AUTS2: variants seen among roughly 807,000 people sequenced by gnomAD.
The protein encoded by AUTS2 is autism susceptibility gene 2 protein.
Under a neutral mutation model 112.4 loss-of-function variants are expected in AUTS2, and 17 were observed. The ratio of observed to expected loss-of-function variants is 0.15; its 90% CI spans 0.10 to 0.23. AUTS2 has a LOEUF of 0.23. AUTS2 is among the 10% of genes least tolerant of loss of function. The pLI is 1.00. For synonymous variants in AUTS2, 751 were observed against 702.7 expected (o/e 1.07, Z -1.09); for missense variants, 1,510 against 1,701.6 (o/e 0.89, Z 1.98).
At chr7:70,468,270 G>C (rs991111459) in intron 5 of AUTS2, among the ~76,000 whole-genome samples, 39 of 152,118 alleles carry the variant, frequency 2.6e-4, no homozygotes, top group African/African-American at 9.4e-4. Flanking sequence ...TTTATGTTCT[G>C]ATCAAGATTA....
chr7:70,009,232 A>G (rs1195449103), intron 2 of AUTS2, among the ~76,000 whole-genome samples: 2 of 151,886 alleles, frequency 1.3e-5, no homozygotes, highest in Non-Finnish European at 2.9e-5. Flanking sequence ...AACCAACCCA[A>G]CTCCAGTGTG....
chr7:69,625,029 C>T (rs955293982), intron 1 of AUTS2, among the ~76,000 whole-genome samples: 4 of 148,740 alleles, frequency 2.7e-5, no homozygotes, highest in African/African-American at 2.5e-5. Flanking sequence ...TTGTGTGAAG[C>T]GGGAGGAGTG....
intron 2 of AUTS2, among the ~76,000 whole-genome samples, chr7:70,016,135 G>C (rs894589670): frequency 2.0e-5 from 3 of 152,136 alleles, no homozygotes; most frequent in Middle Eastern, 3.4e-3. Context: ...ACCCTAAAAA[G>C]GGTCAATGAT....
intron 1 of AUTS2, among the ~76,000 whole-genome samples, chr7:69,689,343 A>ATTTTTTTTTTTTTTTTTTTTT (rs530444257): frequency 2.9e-5 from 3 of 102,500 alleles, no homozygotes; most frequent in Middle Eastern, 8.8e-3. Context: ...TAATTAATTA[A>ATTTTTTTTTTTTTTTTTTTTT]TTTTTTTTTT....
At chr7:69,807,940 C>CTTTT (rs34491458) in intron 1 of AUTS2, among the ~76,000 whole-genome samples, 5 of 120,442 alleles carry the variant, frequency 4.2e-5, no homozygotes, top group Admixed American at 8.9e-5. Flanking sequence ...TAGGCCCAAG[C>CTTTT]TTTTTTTTTT....
At chr7:70,357,373 C>G (rs899169973) in intron 4 of AUTS2, among the ~76,000 whole-genome samples, 2 of 152,188 alleles carry the variant, frequency 1.3e-5, no homozygotes, top group Non-Finnish European at 2.9e-5. Context: ...GGCTTGTGTT[C>G]TGACCCAAGA....
intron 4 of AUTS2, among the ~76,000 whole-genome samples, chr7:70,251,870 C>T (rs1287386691): frequency 6.6e-6 from 1 of 152,006 alleles, no homozygotes; most frequent in Non-Finnish European, 1.5e-5. Context: ...GTGAATAATA[C>T]CATATACCCT....
intron 4 of AUTS2, among the ~76,000 whole-genome samples, chr7:70,198,216 A>T (rs569663246): frequency 1.3e-5 from 2 of 151,262 alleles, no homozygotes; most frequent in East Asian, 2.0e-4. Flanking sequence ...AAAGACCAAA[A>T]TAGATAAAAC....
intron 1 of AUTS2, among the ~76,000 whole-genome samples, chr7:69,734,828 A>G (rs571849009): frequency 6.6e-6 from 1 of 152,294 alleles, no homozygotes; most frequent in African/African-American, 2.4e-5. Flanking sequence ...AGGTTTTTAT[A>G]TAATTTGAGG....
intron 5 of AUTS2, among the ~76,000 whole-genome samples, chr7:70,512,310 TC>T (rs1563006299): frequency 6.6e-6 from 1 of 152,044 alleles, no homozygotes; most frequent in East Asian, 1.9e-4. Context: ...GCCTGCTGAG[TC>T]TAAGATTTCA....
intron 6 of AUTS2, among the ~76,000 whole-genome samples, chr7:70,744,510 G>C (rs1030866940): frequency 2.0e-5 from 3 of 152,156 alleles, no homozygotes; most frequent in Non-Finnish European, 4.4e-5. Flanking sequence ...GTGCCTTGAC[G>C]AGGAGGACAT....
intron 4 of AUTS2, among the ~76,000 whole-genome samples, chr7:70,250,406 A>G (rs1207280274): frequency 1.3e-5 from 2 of 152,218 alleles, no homozygotes; most frequent in African/African-American, 4.8e-5. Context: ...ATGGTCAGGT[A>G]CAGACCCAGA....
At chr7:70,630,656 T>C (rs1199584825) in intron 5 of AUTS2, among the ~76,000 whole-genome samples, 4 of 152,196 alleles carry the variant, frequency 2.6e-5, no homozygotes, top group Non-Finnish European at 5.9e-5. Flanking sequence ...TCTATCAGAA[T>C]ATATCCAAGG....
rs11289784 is a variant in AUTS2 at position 69,921,327 on chromosome 7, GTTTTTTTTTTTTT to G, written c.522+21842_522+21854del. Among the ~76,000 whole-genome samples the G allele has an allele frequency of 7.9e-3, 716 of 90,422 alleles. 8 individuals are homozygous for G. The highest frequency in any genetic ancestry group is 0.025 in the African/African-American group (589 of 23,898). The allele number at this position is 90,422 out of a possible 152,430, so 59.3% of individuals were successfully genotyped here. On this transcript the variant is annotated intron_variant, in intron 2 of 18. Coordinates refer to ENST00000342771, the MANE Select transcript of AUTS2 (RefSeq NM_015570.4). ...TCTGGTTTTAGTATTTAGACTTGAA[GTTTTTTTTTTTTT>G]TTTTTTTTTTTTAACCGTAATAACT... is the stretch of plus-strand genomic sequence containing the variant.
intron 6 of AUTS2, among the ~76,000 whole-genome samples, chr7:70,738,626 A>G (rs1000332389): frequency 1.3e-5 from 2 of 152,116 alleles, no homozygotes; most frequent in African/African-American, 2.4e-5. Flanking sequence ...GCCAAGGCCC[A>G]TACTGCTGGG....
At chr7:70,321,948 A>C (rs1790275068) in intron 4 of AUTS2, among the ~76,000 whole-genome samples, 1 of 152,198 alleles carries the variant, frequency 6.6e-6, no homozygotes, top group Non-Finnish European at 1.5e-5. Flanking sequence ...GGTCAGTCCA[A>C]GTGAGAAAAA....
chr7:70,324,217 A>G (rs955637638), intron 4 of AUTS2, among the ~76,000 whole-genome samples: 7 of 152,202 alleles, frequency 4.6e-5, no homozygotes, highest in Non-Finnish European at 7.3e-5. Flanking sequence ...TTCTAAATGG[A>G]ATCAAGTGGT....
intron 4 of AUTS2, among the ~76,000 whole-genome samples, chr7:70,321,152 G>A (rs1252502751): frequency 2.0e-5 from 3 of 152,182 alleles, no homozygotes; most frequent in Non-Finnish European, 4.4e-5. Context: ...CCATTTGAAA[G>A]GTTGGAAATC....
intron 1 of AUTS2, among the ~76,000 whole-genome samples, chr7:69,887,413 C>CAAAA (rs142082810): frequency 1.1e-4 from 6 of 52,968 alleles, no homozygotes; most frequent in Admixed American, 2.1e-4. Flanking sequence ...AAGACTTCAT[C>CAAAA]AAAAAAAAAA....
Sources: gnomAD v4.1 joint callset for allele counts (sites outside exome capture counted in the v4.1 genomes callset) on GRCh38, gnomAD v4.1.1 for gene constraint, MANE v1.5 for transcripts, NCBI Gene and HGNC (gene_info 2026-07-23, HGNC 2026-07-21) for gene names.